The following TICRR variants were observed in gnomAD, a reference collection of about 807,000 sequenced individuals.
TICRR encodes the protein treslin.
Under a neutral mutation model 178.1 loss-of-function variants are expected in TICRR, and 132 were observed. That is an observed-to-expected ratio of 0.74 (90% confidence interval 0.64 to 0.86). The LOEUF (loss-of-function observed/expected upper bound fraction) is 0.86, where lower values mean the gene tolerates loss of function less well. Ranked by LOEUF, TICRR falls within the 40% of genes least tolerant of loss-of-function variation. The probability of loss-of-function intolerance (pLI) is 0.00; values close to 1 mark genes in which losing one functional copy is unlikely to be tolerated. For synonymous variants in TICRR, 991 were observed against 900.7 expected (o/e 1.10, Z -1.79); for missense variants, 2,587 against 2,334.3 (o/e 1.11, Z -2.23).
intron 18 of TICRR, 76 bp from the exon 19 acceptor site, chr15:89,621,317 G>T: frequency 6.8e-7 from 1 of 1,470,164 alleles, no homozygotes; most frequent in Non-Finnish European, 9.2e-7. Flanking sequence ...CACCATGCGT[G>T]GCTGGCTGTT....
Position 89,625,447 on chromosome 15 carries a change from C to T in TICRR, c.5137C>T (p.Leu1713=), listed in dbSNP as rs1457372426. 9 of 1,613,998 alleles carry T rather than the reference C, an allele frequency of 5.6e-6. No individual in the cohort carries two copies. The highest frequency in any genetic ancestry group is 7.6e-6 in the Non-Finnish European group (9 of 1,180,010). ...GEVGADLPGS[L]SLLESEGKDH... is the part of the protein sequence containing the mutation. The stretch of plus-strand genomic sequence containing the variant: ...GGTCGGTGCAGACCTTCCTGGGAGC[C>T]TGTCACTGCTTGAGTCAGAGGGCAA... The change falls in exon 20 of 22, where the codon CTG becomes TTG. Residue 1713 remains leucine, a synonymous_variant. Coordinates refer to ENST00000268138, the MANE Select transcript of TICRR (RefSeq NM_152259.4).
At position 89,576,842 on chromosome 15, in the gene TICRR, T is replaced by TATATATATATATATATAC. The variant is rs1567038002; in HGVS notation, c.654+619_654+620insCATATATATATATATATA. Among the ~76,000 whole-genome samples, 5 of 140,866 alleles carry TATATATATATATATATAC rather than the reference T, an allele frequency of 3.5e-5. No homozygotes were observed. The East Asian group carries it at 8.0e-4, about 23-fold the overall frequency. 92.4% of individuals were successfully genotyped at this position (140,866 alleles called of 152,430 possible). ...GTGTGTATATATATATATATATATA[T>TATATATATATATATATAC]ATATATATATATATATATACACACA... On this transcript the variant is annotated intron_variant, in intron 1 of 21. Coordinates refer to ENST00000268138, the MANE Select transcript of TICRR (RefSeq NM_152259.4).
At chr15:89,593,027 C>A (rs978673177) in intron 5 of TICRR, among the ~76,000 whole-genome samples, 24 of 152,218 alleles carry the variant, frequency 1.6e-4, no homozygotes, top group African/African-American at 5.8e-4. Flanking sequence ...CTTTATAGCA[C>A]CAGTCACTAA....
intron 1 of TICRR, among the ~76,000 whole-genome samples, chr15:89,580,592 A>G (rs1230201762): frequency 6.6e-6 from 1 of 152,242 alleles, no homozygotes; most frequent in African/African-American, 2.4e-5. Context: ...TGAAAAGTTT[A>G]GATAGATTAG....
intron 2 of TICRR, among the ~76,000 whole-genome samples, chr15:89,583,840 C>G (rs1567040319): frequency 6.6e-6 from 1 of 151,994 alleles, no homozygotes; most frequent in Non-Finnish European, 1.5e-5. Context: ...GCATGAGCCA[C>G]CACACCTGGC....
chr15:89,584,170 G>C, intron 2 of TICRR, 116 bp from the exon 3 acceptor site: 1 of 1,083,346 alleles, frequency 9.2e-7, no homozygotes, highest in Non-Finnish European at 1.3e-6. Flanking sequence ...TTGACAACTT[G>C]ATTATTTTCT....
At chr15:89,589,288 C>G (rs1962871690) in intron 4 of TICRR, among the ~76,000 whole-genome samples, 1 of 152,108 alleles carries the variant, frequency 6.6e-6, no homozygotes. Flanking sequence ...TTCAACGCAG[C>G]TAATGGTGCT....
chr15:89,579,994 T>C (rs1427366878), intron 1 of TICRR: 2 of 152,194 alleles, frequency 1.3e-5, no homozygotes, highest in Non-Finnish European at 2.9e-5. Flanking sequence ...TTAAGGTCCT[T>C]TTCAACACTT....
intron 19 of TICRR, among the ~76,000 whole-genome samples, chr15:89,623,088 A>C (rs2141983337): frequency 6.6e-6 from 1 of 152,344 alleles, no homozygotes; most frequent in South Asian, 2.1e-4. Flanking sequence ...TTTTGCAAGA[A>C]GGCAGGGAAA....
intron 4 of TICRR, 169 bp from the exon 5 acceptor site, chr15:89,591,878 C>T: frequency 2.2e-6 from 1 of 461,738 alleles, no homozygotes; most frequent in South Asian, 7.0e-5. Flanking sequence ...TTTTTATTTA[C>T]CACATAGGCC....
rs1482266670 is a variant in TICRR at position 89,585,882 on chromosome 15, G to C, written c.1351G>C (p.Asp451His). ...SPRDTASLFS[D>H]VVDSILNQTH... ...CCGGGACACAGCTTCCCTTTTCTCA[G>C]ATGTTGTGGATAGTATATTGAATCA... Residue 451 changes from aspartate to histidine, a missense_variant, in exon 4 of 22, where the codon GAT becomes CAT. Physicochemically the swap from Asp to His is moderately conservative, Grantham distance 81 (BLOSUM62 -1). Transcript: ENST00000268138. The C allele has an allele frequency of 1.2e-6, 2 of 1,614,138 alleles. No individual in the cohort carries two copies.
rs28703307 is a variant in TICRR at position 89,586,296 on chromosome 15, G to A, written c.1411+354G>A. Among the ~76,000 whole-genome samples the A allele has an allele frequency of 8.2e-3, 1,244 of 151,984 alleles. 18 individuals are homozygous for A. The highest frequency in any genetic ancestry group is 0.027 in the African/African-American group (1,133 of 41,430). On this transcript the variant is annotated intron_variant, in intron 4 of 21. Coordinates refer to ENST00000268138, the MANE Select transcript of TICRR (RefSeq NM_152259.4). ...ACTAAATCTACCTAGCATAAATAAG[G>A]TTTGTATCATGTTAGTATTACAAAC...
chr15:89,581,787 C>T (rs1307405725), intron 1 of TICRR, among the ~76,000 whole-genome samples: 29 of 152,146 alleles, frequency 1.9e-4, no homozygotes, highest in Non-Finnish European at 1.5e-5. Context: ...GTAGCGTGAC[C>T]AGAGAAGTGA....
At chr15:89,602,028 A>C in intron 12 of TICRR, 52 bp downstream of exon 12, 7 of 1,599,542 alleles carry the variant, frequency 4.4e-6, no homozygotes, top group Non-Finnish European at 5.1e-6. Flanking sequence ...AGTTCTGATA[A>C]AAGATGTGTT....
chr15:89,576,030 G>A lies in TICRR; in HGVS notation c.444G>A (p.Gly148=), dbSNP rs1420822408. The A allele has an allele frequency of 6.2e-7, 1 of 1,609,874 alleles. No individual in the cohort carries two copies. Among genetic ancestry groups the A allele is most frequent in the Non-Finnish European group, 8.5e-7 (1 of 1,178,940 alleles). The change falls in exon 1 of 22, where the codon GGG becomes GGA. Residue 148 remains glycine, a synonymous_variant. Coordinates refer to ENST00000268138, the MANE Select transcript of TICRR (RefSeq NM_152259.4). The part of the protein sequence containing the change: ...SEAKEAEAAL[G]GLVNAVFLLA... ...CCAAGGAGGCCGAGGCCGCGCTCGG[G>A]GGCTTGGTGAACGCCGTCTTCCTCC...
chr15:89,581,293 A>C (rs779849636), intron 1 of TICRR, among the ~76,000 whole-genome samples: 1 of 152,188 alleles, frequency 6.6e-6, no homozygotes, highest in Non-Finnish European at 1.5e-5. Flanking sequence ...TCATATTCCC[A>C]TAGTAGCTGA....
intron 14 of TICRR, 105 bp downstream of exon 14, chr15:89,606,930 T>C: frequency 1.1e-6 from 1 of 887,926 alleles, no homozygotes; most frequent in East Asian, 2.6e-5. Context: ...AGGCTTTGTA[T>C]GATTGTTGGC....
Position 89,625,245 on chromosome 15 carries a change from G to A in TICRR, c.4935G>A (p.Gln1645=). ...GKSRGQTYIC[Q]ACTPTHGPSS... ...GCAGGGGGCAAACCTACATCTGCCA[G>A]GCCTGTACCCCCACCCACGGCCCTT... Residue 1645 remains glutamine (Q), a synonymous_variant, in exon 20 of 22, where the codon CAG becomes CAA. Transcript: ENST00000268138. The A allele has an allele frequency of 6.2e-7, 1 of 1,613,642 alleles. No homozygotes were observed. The highest frequency in any genetic ancestry group is 8.5e-7 in the Non-Finnish European group (1 of 1,179,756).
Position 89,601,810 on chromosome 15 carries a change from G to A in TICRR, c.2401G>A (p.Ala801Thr), listed in dbSNP as rs777716077. The A allele has an allele frequency of 6.2e-7, 1 of 1,614,154 alleles. No homozygotes were observed. The highest frequency in any genetic ancestry group is 1.3e-5 in the African/African-American group (1 of 75,036). ...AGGGTTTGTGATTCCTCAGAAGCTGGCTGGTGTCCTTCCTACAGATTTTTT... is the reference window on the plus strand; with the variant it reads ...AGGGTTTGTGATTCCTCAGAAGCTGACTGGTGTCCTTCCTACAGATTTTTT... The part of the protein sequence containing the change: ...SLGFVIPQKL[A>T]GVLPTDFFSD... The change falls in exon 12 of 22, where the codon GCT becomes ACT. Residue 801 changes from alanine to threonine, a missense_variant. Transcript: ENST00000268138.
Sources: allele counts gnomAD v4.1 joint callset (sites outside exome capture counted in the v4.1 genomes callset), GRCh38; gene constraint gnomAD v4.1.1; transcripts MANE v1.5; gene names NCBI Gene and HGNC (gene_info 2026-07-23, HGNC 2026-07-21).